The following GSE1 variants were observed in gnomAD, a reference collection of about 807,000 sequenced individuals.
The protein encoded by GSE1 is Gse1 coiled-coil protein.
GSE1 carries 32 observed loss-of-function variants against 112.6 expected under a neutral mutation model. The observed-to-expected ratio is 0.28, with a 90% CI of 0.21 to 0.38. GSE1 has a LOEUF of 0.38. Ranked by LOEUF, GSE1 falls within the 10% of genes least tolerant of loss-of-function variation. The probability of loss-of-function intolerance (pLI) is 1.00; values close to 1 mark genes in which losing one functional copy is unlikely to be tolerated. For missense variants in GSE1, 2,348 were observed against 1,699.2 expected (o/e 1.38, Z -6.71); for synonymous variants, 1,115 against 735.6 (o/e 1.52, Z -8.35).
chr16:85,473,083 T>C (rs2050343939), intron 2 of GSE1, among the ~76,000 whole-genome samples: 1 of 152,204 alleles, frequency 6.6e-6, no homozygotes, highest in South Asian at 2.1e-4. Context: ...GGGAGGCCTC[T>C]CGAGGGAGGA....
At chr16:85,669,752 C>T (rs1026300034) in intron 14 of GSE1, among the ~76,000 whole-genome samples, 10 of 152,158 alleles carry the variant, frequency 6.6e-5, no homozygotes, top group South Asian at 2.1e-4. Flanking sequence ...TCCTGTTCTG[C>T]GTAGGATTCA....
chr16:85,483,622 T>G (rs1190182665), intron 2 of GSE1, among the ~76,000 whole-genome samples: 1 of 152,254 alleles, frequency 6.6e-6, no homozygotes, highest in East Asian at 1.9e-4. Flanking sequence ...TGGGATCAAG[T>G]GTCTCCGAGG....
intron 1 of GSE1, among the ~76,000 whole-genome samples, chr16:85,302,213 C>G (rs1040238760): frequency 3.3e-5 from 5 of 152,188 alleles, no homozygotes; most frequent in African/African-American, 1.2e-4. Context: ...AATGCACACT[C>G]TAATCTTCGC....
chr16:85,220,829 C>G (rs535216569), intron 1 of GSE1, among the ~76,000 whole-genome samples: 3 of 152,136 alleles, frequency 2.0e-5, no homozygotes, highest in Non-Finnish European at 4.4e-5. Flanking sequence ...CTCTGATTCA[C>G]TCTCTCCCAC....
chr16:85,599,614 C>A (rs1286530736), intron 1 of GSE1, among the ~76,000 whole-genome samples: 1 of 152,208 alleles, frequency 6.6e-6, no homozygotes, highest in Non-Finnish European at 1.5e-5. Flanking sequence ...TTGCATCTCA[C>A]CTCTGTGGCC....
chr16:85,603,078 T>G (rs987602947), intron 1 of GSE1, among the ~76,000 whole-genome samples: 1 of 152,218 alleles, frequency 6.6e-6, no homozygotes, highest in African/African-American at 2.4e-5. Flanking sequence ...TGGAGACAGG[T>G]GTGTTCATTT....
chr16:85,301,381 C>T lies in GSE1; in HGVS notation c.2284-56082C>T, dbSNP rs577741845. Among the ~76,000 whole-genome samples the T allele has an allele frequency of 9.8e-5, 15 of 152,292 alleles. No individual in the cohort carries two copies. In the East Asian group the frequency reaches 1.9e-3, roughly 20 times the overall value. On this transcript the variant is annotated intron_variant, in intron 1 of 2. Coordinates refer to the GSE1 transcript ENST00000637419. ...CCTGGAGTGGGTGGTCTCTGGGAGG[C>T]GGGTTCCTGGGATGATGGAAGGTTT...
chr16:85,434,937 C>G (rs991715296), intron 2 of GSE1, among the ~76,000 whole-genome samples: 4 of 152,242 alleles, frequency 2.6e-5, no homozygotes, highest in Non-Finnish European at 4.4e-5. Flanking sequence ...TTTCCCTGTC[C>G]CCTCCCCAAA....
At chr16:85,181,671 G>A (rs1389603630) in intron 1 of GSE1, among the ~76,000 whole-genome samples, 1 of 152,256 alleles carries the variant, frequency 6.6e-6, no homozygotes, top group Non-Finnish European at 1.5e-5. Context: ...CAGGCTAGGA[G>A]GCTTGTGTGG....
chr16:85,177,837 A>G (rs2074498742), intron 1 of GSE1, among the ~76,000 whole-genome samples: 2 of 152,080 alleles, frequency 1.3e-5, no homozygotes, highest in African/African-American at 4.8e-5. Flanking sequence ...ACAGACCATC[A>G]CTTTCAGACA....
intron 2 of GSE1, among the ~76,000 whole-genome samples, chr16:85,643,006 C>T (rs79907612): frequency 0.018 from 2,707 of 152,226 alleles, 92 homozygotes; most frequent in African/African-American, 0.06. Context: ...CAGGGGGTGC[C>T]GGTGGTTTTT....
At chr16:85,346,991 G>C (rs947811815) in intron 1 of GSE1, among the ~76,000 whole-genome samples, 2 of 152,152 alleles carry the variant, frequency 1.3e-5, no homozygotes, top group African/African-American at 4.8e-5. Flanking sequence ...TGGATGCAAA[G>C]CTGAGCTGAA....
intron 1 of GSE1, among the ~76,000 whole-genome samples, chr16:85,202,526 C>T (rs373434301): frequency 4.6e-5 from 7 of 152,326 alleles, no homozygotes. Flanking sequence ...AGGGGGCCGG[C>T]TCTGGAGAAC....
chr16:85,419,964 G>A lies in GSE1; in HGVS notation c.2464+62321G>A, dbSNP rs897838786. Among the ~76,000 whole-genome samples, 21 of 152,204 alleles carry A rather than the reference G, an allele frequency of 1.4e-4. No individual in the cohort carries two copies. The highest frequency in any genetic ancestry group is 2.6e-4 in the Non-Finnish European group (18 of 68,038). ...TCTGAGCTAGGAAGGCCCCTCTGAGGCCCAGCTGGCAGTTATCATGGGTCT... is the reference window on the plus strand; with the variant it reads ...TCTGAGCTAGGAAGGCCCCTCTGAGACCCAGCTGGCAGTTATCATGGGTCT... On this transcript the variant is annotated intron_variant, in intron 2 of 2. Coordinates refer to the GSE1 transcript ENST00000637419. This position sits in a 1 kb window ranked among gnomAD's most constrained non-coding sequence, Gnocchi z 6.5.
intron 1 of GSE1, among the ~76,000 whole-genome samples, chr16:85,338,361 G>C (rs553689788): frequency 9.8e-5 from 15 of 152,352 alleles, no homozygotes; most frequent in African/African-American, 3.4e-4. Context: ...AGTGGTAGAT[G>C]TCCCCCAAGG....
chr16:85,390,497 TA>T (rs1185362409), intron 2 of GSE1, among the ~76,000 whole-genome samples: 7 of 152,162 alleles, frequency 4.6e-5, no homozygotes, highest in Non-Finnish European at 1.0e-4. Context: ...TATGATGGGT[TA>T]GGGTCAAGCT....
At chr16:85,217,886 T>C (rs374892071) in intron 1 of GSE1, among the ~76,000 whole-genome samples, 5 of 152,192 alleles carry the variant, frequency 3.3e-5, no homozygotes. Flanking sequence ...TCTTTTTTTT[T>C]CCAACAGAAA....
chr16:85,578,105 G>A (rs533599386), intron 1 of GSE1, among the ~76,000 whole-genome samples: 1 of 152,222 alleles, frequency 6.6e-6, no homozygotes, highest in Non-Finnish European at 1.5e-5. Context: ...GCCCCTCCCA[G>A]CTCTCCACTC....
At chr16:85,385,107 C>T (rs1425665953) in intron 2 of GSE1, among the ~76,000 whole-genome samples, 1 of 152,264 alleles carries the variant, frequency 6.6e-6, no homozygotes, top group Non-Finnish European at 1.5e-5. Context: ...CAAGTCTGTT[C>T]TCGCCAAGGA....
Sources: allele counts gnomAD v4.1 joint callset (sites outside exome capture counted in the v4.1 genomes callset), GRCh38; gene constraint gnomAD v4.1.1; non-coding constraint Gnocchi (gnomAD v3.1); transcripts MANE v1.5; gene names NCBI Gene and HGNC (gene_info 2026-07-23, HGNC 2026-07-21).